PSMA1: variants seen among roughly 807,000 people sequenced by gnomAD.
PSMA1 encodes proteasome 20S subunit alpha 1.
In PSMA1, 3 loss-of-function variants were observed where a neutral mutation model predicts 38.4. The ratio of observed to expected loss-of-function variants is 0.08; its 90% CI spans 0.04 to 0.20. The LOEUF is 0.20. PSMA1 is among the 10% of genes least tolerant of loss of function. The pLI is 1.00. For synonymous variants in PSMA1, 101 were observed against 107.1 expected, an observed-to-expected ratio of 0.94 and a Z score of 0.35; for missense variants, 227 against 325.3, an observed-to-expected ratio of 0.70 and a Z score of 2.32.
intron 2 of PSMA1, among the ~76,000 whole-genome samples, chr11:14,532,806 T>G (rs1219332697): frequency 6.6e-6 from 1 of 150,790 alleles, no homozygotes; most frequent in Non-Finnish European, 1.5e-5. Context: ...GCATAAGAAT[T>G]GCTTGAACCA....
intron 2 of PSMA1, among the ~76,000 whole-genome samples, chr11:14,596,870 T>G (rs1236446164): frequency 6.6e-6 from 1 of 152,236 alleles, no homozygotes; most frequent in African/African-American, 2.4e-5. Flanking sequence ...AGTATGATAT[T>G]GGTTATGGGT....
intron 2 of PSMA1, among the ~76,000 whole-genome samples, chr11:14,563,137 G>A (rs1230969587): frequency 1.3e-5 from 2 of 152,164 alleles, no homozygotes; most frequent in African/African-American, 4.8e-5. Context: ...TTCATTTGGA[G>A]ATGGGATTGC....
chr11:14,632,375 C>T (rs1211246932), intron 1 of PSMA1, among the ~76,000 whole-genome samples: 1 of 146,892 alleles, frequency 6.8e-6, no homozygotes, highest in Non-Finnish European at 1.5e-5. Context: ...GTGACAAAAT[C>T]TCTCAGCATT....
intron 6 of PSMA1, 58 bp downstream of exon 6, chr11:14,513,759 A>C: frequency 6.5e-7 from 1 of 1,540,906 alleles, no homozygotes; most frequent in Admixed American, 2.2e-5. Context: ...AAAAATTATA[A>C]AAATTTCTAG....
chr11:14,571,545 G>C (rs541940287), intron 2 of PSMA1, among the ~76,000 whole-genome samples: 2 of 152,004 alleles, frequency 1.3e-5, no homozygotes, highest in Admixed American at 6.5e-5. Context: ...ATCAGTACCA[G>C]CCACTGCAAA....
At chr11:14,571,911 CAAAG>C (rs1302646473) in intron 2 of PSMA1, among the ~76,000 whole-genome samples, 1 of 152,090 alleles carries the variant, frequency 6.6e-6, no homozygotes, top group African/African-American at 2.4e-5. Context: ...TCAAAAGAGA[CAAAG>C]AAGGCCATTA....
intron 2 of PSMA1, among the ~76,000 whole-genome samples, chr11:14,564,940 G>A (rs1852052473): frequency 6.6e-6 from 1 of 151,822 alleles, no homozygotes; most frequent in African/African-American, 2.4e-5. Flanking sequence ...ACCACGCTTG[G>A]CTAATTAAAA....
intron 1 of PSMA1, among the ~76,000 whole-genome samples, chr11:14,641,924 A>G (rs533954414): frequency 6.6e-6 from 1 of 152,360 alleles, no homozygotes; most frequent in Admixed American, 6.5e-5. Context: ...TAATTGCTTC[A>G]TTTCACATTT....
intron 2 of PSMA1, among the ~76,000 whole-genome samples, chr11:14,573,948 GA>G (rs1852181078): frequency 6.6e-6 from 1 of 152,164 alleles, no homozygotes; most frequent in Non-Finnish European, 1.5e-5. Flanking sequence ...GTATCGGGCA[GA>G]AGAAATTTCT....
chr11:14,638,506 C>CCTCTCTCTCTCTCTCCCTCT (rs1853138804), intron 1 of PSMA1, among the ~76,000 whole-genome samples: 1 of 31,908 alleles, frequency 3.1e-5, no homozygotes, highest in Non-Finnish European at 5.5e-5. Flanking sequence ...GAGAAACACA[C>CCTCTCTCTCTCTCTCCCTCT]CTCTCTCTCT....
At chr11:14,639,298 T>A in intron 1 of PSMA1, among the ~76,000 whole-genome samples, 1 of 152,182 alleles carries the variant, frequency 6.6e-6, no homozygotes, top group East Asian at 1.9e-4. Context: ...TGCAAATGAA[T>A]GTTAAGAAAA....
chr11:14,547,797 C>T (rs527844047), intron 2 of PSMA1, among the ~76,000 whole-genome samples: 1 of 152,258 alleles, frequency 6.6e-6, no homozygotes, highest in South Asian at 2.1e-4. Flanking sequence ...GCAAAACAGG[C>T]AAGAGAGCAG....
chr11:14,507,555 C>T, intron 9 of PSMA1, 101 bp downstream of exon 9: 1 of 794,268 alleles, frequency 1.3e-6, no homozygotes, highest in South Asian at 1.5e-5. Context: ...ATTATGGGCC[C>T]ATTTCAATAT....
At chr11:14,602,013 C>T (rs1416351330) in intron 2 of PSMA1, among the ~76,000 whole-genome samples, 2 of 152,178 alleles carry the variant, frequency 1.3e-5, no homozygotes, top group African/African-American at 2.4e-5. Context: ...ACATAGAGCC[C>T]TCATTGGTTC....
At chr11:14,520,470 C>T (rs1317693105), upstream of PSMA1, 4 of 1,511,914 alleles carry the variant, frequency 2.6e-6, no homozygotes, top group African/African-American at 2.8e-5. Flanking sequence ...ACTTCCCCCT[C>T]CTTAAAACTT....
chr11:14,591,235 C>A (rs1020555645), intron 2 of PSMA1, among the ~76,000 whole-genome samples: 2 of 152,188 alleles, frequency 1.3e-5, no homozygotes, highest in Non-Finnish European at 2.9e-5. Context: ...TACTCTGGGT[C>A]CCCCAGCAGT....
chr11:14,615,986 T>C (rs1366781069), intron 1 of PSMA1, among the ~76,000 whole-genome samples: 1 of 152,128 alleles, frequency 6.6e-6, no homozygotes, highest in East Asian at 1.9e-4. Context: ...GGATTAATCT[T>C]TGAGAATCAA....
chr11:14,599,774 G>A (rs1852555634), intron 2 of PSMA1, among the ~76,000 whole-genome samples: 1 of 152,140 alleles, frequency 6.6e-6, no homozygotes, highest in African/African-American at 2.4e-5. Context: ...GCCCAGCTTT[G>A]TTCCGTTGCT....
intron 1 of PSMA1, among the ~76,000 whole-genome samples, chr11:14,623,835 C>T (rs1481864998): frequency 1.3e-5 from 2 of 152,190 alleles, no homozygotes; most frequent in African/African-American, 4.8e-5. Flanking sequence ...AACCTGTCAG[C>T]AACAGAGATC....
Sources: gnomAD v4.1 joint callset for allele counts (sites outside exome capture counted in the v4.1 genomes callset) on GRCh38, gnomAD v4.1.1 for gene constraint, MANE v1.5 for transcripts, NCBI Gene and HGNC (gene_info 2026-07-23, HGNC 2026-07-21) for gene names.